Variants in SLC37A2 observed in about 807,000 individuals in gnomAD.
The protein encoded by SLC37A2 is glucose-6-phosphate exchanger SLC37A2.
A neutral mutation model predicts 70.7 loss-of-function variants in SLC37A2; 59 were observed. The observed-to-expected ratio is 0.83, with a 90% CI of 0.68 to 1.04. SLC37A2 has a LOEUF of 1.04. Ranked by LOEUF, SLC37A2 falls within the 50% of genes least tolerant of loss-of-function variation. The pLI, the probability that SLC37A2 is intolerant of heterozygous loss-of-function variation, is 0.00. For synonymous variants in SLC37A2, 257 were observed against 262.1 expected (o/e 0.98, Z 0.19); for missense variants, 580 against 658.1 (o/e 0.88, Z 1.30).
chr11:125,083,887 T>C lies in SLC37A2; in HGVS notation c.1039+10T>C, dbSNP rs375511025. 1.2e-6 allele frequency: 2 copies of C among 1,613,022 alleles called. No individual in the cohort carries two copies. The highest frequency in any genetic ancestry group is 2.7e-5 in the African/African-American group (2 of 74,904). On this transcript the variant is annotated intron_variant, in intron 11 of 17. Transcript: ENST00000403796. This position sits in a 1 kb window ranked among gnomAD's most constrained non-coding sequence, Gnocchi z 4.6. ...GTTGGTGGCATCATAGGTGAGGCCT[T>C]GCCCTGCTCTGCCAGCAGGCTCCCT...
In SLC37A2 at chr11:125,063,582, C is replaced by T. The variant is rs1222011046; in HGVS notation, c.59+156C>T. ...TTGGTCCCGAGCTCCTCCAGCGGCG[C>T]CCGCCTCGGAGGTTGATAACCCTCC... On this transcript the variant is annotated intron_variant, in intron 1 of 17. Coordinates refer to ENST00000403796, the MANE Select transcript of SLC37A2 (RefSeq NM_001145290.2). The surrounding 1 kb of genome is among the most constrained non-coding windows in gnomAD (Gnocchi z 5.4). Among the ~76,000 whole-genome samples, 2 of 152,154 alleles carry T rather than the reference C, an allele frequency of 1.3e-5. No individual in the cohort carries two copies. Among genetic ancestry groups the T allele is most frequent in the Non-Finnish European group, 2.9e-5 (2 of 68,018 alleles).
chr11:125,080,421 G>C lies in SLC37A2; in HGVS notation c.528-193G>C, dbSNP rs1007939367. On this transcript the variant is annotated intron_variant, in intron 6 of 17. Transcript: ENST00000403796. The surrounding 1 kb of genome is among the most constrained non-coding windows in gnomAD (Gnocchi z 4.3). ...GCTGGGCAGGCGGAGCGAGACCACAGGCCCTGCAGCCACCTGCTTGACACC... is the reference window on the plus strand; with the variant it reads ...GCTGGGCAGGCGGAGCGAGACCACACGCCCTGCAGCCACCTGCTTGACACC... 1.1e-4 allele frequency among the ~76,000 whole-genome samples: 17 copies of C among 152,168 alleles called. No homozygotes were observed. The highest frequency in any genetic ancestry group is 2.1e-4 in the Non-Finnish European group (14 of 68,040).
chr11:125,079,784 G>C (rs775199965), intron 6 of SLC37A2, 24 bp downstream of exon 6: 2 of 1,580,126 alleles, frequency 1.3e-6, no homozygotes, highest in Admixed American at 3.5e-5. Flanking sequence ...GGGAGGAGGA[G>C]TGGGAAGGAT....
In SLC37A2 at chr11:125,085,942, T is replaced by G. The variant is rs1218018464; in HGVS notation, c.1426-12T>G. ...AGTGCCCTCCCTTCCCTCTGTGCCT[T>G]GTGCTCCACAGCTCCTTTGCCGGTT... On this transcript the variant is annotated splice_polypyrimidine_tract_variant and intron_variant, in intron 16 of 17. Coordinates refer to ENST00000403796, the MANE Select transcript of SLC37A2 (RefSeq NM_001145290.2). 4.3e-6 allele frequency: 7 copies of G among 1,613,660 alleles called. No individual in the cohort carries two copies. The highest frequency in any genetic ancestry group is 5.9e-6 in the Non-Finnish European group (7 of 1,179,562).
intron 1 of SLC37A2, among the ~76,000 whole-genome samples, chr11:125,066,920 G>A (rs998434685): frequency 6.6e-6 from 1 of 151,406 alleles, no homozygotes; most frequent in Non-Finnish European, 1.5e-5. Flanking sequence ...TGGCCTGGAA[G>A]ATGCTACATT....
intron 1 of SLC37A2, 150 bp from the exon 2 acceptor site, chr11:125,076,607 A>G: frequency 1.4e-6 from 1 of 692,484 alleles, no homozygotes; most frequent in African/African-American, 1.8e-5. Context: ...ATTTTTTCCC[A>G]GCCTCCCCTT....
intron 1 of SLC37A2, among the ~76,000 whole-genome samples, chr11:125,075,557 G>A (rs750035371): frequency 6.6e-5 from 10 of 152,190 alleles, no homozygotes; most frequent in African/African-American, 2.4e-4. Context: ...CACTGAAAGC[G>A]TTTTAGCAGA....
chr11:125,077,385 C>G, intron 3 of SLC37A2, 62 bp downstream of exon 3: 1 of 1,592,558 alleles, frequency 6.3e-7, no homozygotes, highest in Non-Finnish European at 8.6e-7. Flanking sequence ...AAGGGGCTGT[C>G]CAGGGAGGGC....
intron 14 of SLC37A2, 23 bp from the exon 15 acceptor site, chr11:125,085,372 C>G (rs371895358): frequency 8.7e-6 from 14 of 1,609,954 alleles, no homozygotes; most frequent in Admixed American, 1.7e-5. Flanking sequence ...GCTGGGCTTC[C>G]CCACTCCACT....
At position 125,083,931 on chromosome 11, in the gene SLC37A2, G is replaced by C. The variant is rs752122857; in HGVS notation, c.1039+54G>C. 1.0e-5 allele frequency: 16 copies of C among 1,569,094 alleles called. No individual in the cohort carries two copies. Among genetic ancestry groups the C allele is most frequent in the Non-Finnish European group, 1.4e-5 (16 of 1,139,690 alleles). On this transcript the variant is annotated intron_variant, in intron 11 of 17. Transcript: ENST00000403796. The surrounding 1 kb of genome is among the most constrained non-coding windows in gnomAD (Gnocchi z 4.6). ...GCTCCCTTCCCCTCTTTTCTTGTGG[G>C]GTGCAGGAAGAAGGGACAGGTCCGA... is the stretch of plus-strand genomic sequence containing the variant.
rs201531255 is a variant in SLC37A2, at chr11:125,080,710, C to T, written c.624C>T (p.Gly208=). Residue 208 remains glycine (G), a synonymous_variant, in exon 7 of 18, where the codon GGC becomes GGT. Coordinates refer to ENST00000403796, the MANE Select transcript of SLC37A2 (RefSeq NM_001145290.2). The surrounding 1 kb of genome is among the most constrained non-coding windows in gnomAD (Gnocchi z 4.3). ...IAGIWVNGQW[G]LSFIVPGIIT... is the part of the protein sequence containing the mutation. ...GCATCTGGGTGAACGGGCAGTGGGG[C>T]CTGTCGTTCATCGTGCCTGGCATCA... 5.7e-6 allele frequency: 9 copies of T among 1,576,542 alleles called. 1 individual carries two copies. In the Admixed American group the frequency reaches 1.4e-4, roughly 25 times the overall value.
chr11:125,078,179 G>A (rs549967848), intron 4 of SLC37A2, among the ~76,000 whole-genome samples: 75 of 152,356 alleles, frequency 4.9e-4, no homozygotes, highest in African/African-American at 1.7e-3. Context: ...CGAGCAAGTA[G>A]GGCAAATGTG....
At position 125,083,508 on chromosome 11, in the gene SLC37A2, G is replaced by C; in HGVS notation, c.977-307G>C. On this transcript the variant is annotated intron_variant, in intron 10 of 17. Transcript: ENST00000403796. This position sits in a 1 kb window ranked among gnomAD's most constrained non-coding sequence, Gnocchi z 4.6. ...GCTGAGCTTCAGGTTGCGCTCCAGG[G>C]GAAAGGTGGCCACGGGACAGCAGGC... 3.0e-6 allele frequency: 1 copy of C among 330,970 alleles called. No individual in the cohort carries two copies. The highest frequency in any genetic ancestry group is 4.3e-5 in the Admixed American group (1 of 23,408). 20.5% of individuals were successfully genotyped at this position (330,970 alleles called of 1,614,324 possible).
rs75705739 is a variant in SLC37A2 at position 125,084,934 on chromosome 11, T to G, written c.1174+61T>G. ...GAAAGGCACTGCCTTGGGGGCCCCA[T>G]GAGGCTGGCCCACGGGGGGCACTGA... On this transcript the variant is annotated intron_variant, in intron 13 of 17. Transcript: ENST00000403796. 3.7e-3 allele frequency: 5,874 copies of G among 1,605,656 alleles called. 111 individuals carry two copies. The Admixed American group carries it at 0.043, about 12-fold the overall frequency.
At position 125,088,358 on chromosome 11, in the gene SLC37A2, G is replaced by A; in HGVS notation, c.*224G>A. On this transcript the variant is annotated 3_prime_UTR_variant, in exon 18 of 18. Coordinates refer to ENST00000403796, the MANE Select transcript of SLC37A2 (RefSeq NM_001145290.2). ...AGAAGATTCAGGGGCCTGAGCTCTG[G>A]AAGCTGCAAGCAAAAGGGATGGGAC... 1 of 578,538 alleles carries A rather than the reference G, an allele frequency of 1.7e-6. No individual in the cohort carries two copies. The allele number at this position is 578,538 out of a possible 1,614,324, so 35.8% of individuals were successfully genotyped here.
Position 125,076,821 on chromosome 11 carries a change from C to G in SLC37A2, c.124C>G (p.Pro42Ala), listed in dbSNP as rs752786146. ...CGCCTGCTATCACATGTCCAGGAAG[C>G]CTATCAGTATCGTCAAGGTGAGGCT... ...IYACYHMSRK[P>A]ISIVKSRLHQ... Residue 42 changes from proline (P) to alanine (A), a missense_variant, in exon 2 of 18, where the codon CCT becomes GCT. Coordinates refer to ENST00000403796, the MANE Select transcript of SLC37A2 (RefSeq NM_001145290.2). 1 of 1,614,164 alleles carries G rather than the reference C, an allele frequency of 6.2e-7. No individual in the cohort carries two copies. The highest frequency in any genetic ancestry group is 1.3e-5 in the African/African-American group (1 of 75,048).
At chr11:125,082,187 C>G (rs1949158129) in intron 9 of SLC37A2, 57 bp from the exon 10 acceptor site, 1 of 1,553,470 alleles carries the variant, frequency 6.4e-7, no homozygotes, top group Non-Finnish European at 8.9e-7. Flanking sequence ...CTTGGGGCCA[C>G]CACTGAACCC....
intron 1 of SLC37A2, among the ~76,000 whole-genome samples, chr11:125,071,518 G>C (rs953334563): frequency 1.3e-5 from 2 of 152,212 alleles, no homozygotes; most frequent in Non-Finnish European, 1.5e-5. Context: ...AAGACAGACT[G>C]TCATCTGAGC....
At position 125,085,957 on chromosome 11, in the gene SLC37A2, C is replaced by A; in HGVS notation, c.1429C>A (p.Leu477Ile). The A allele has an allele frequency of 6.2e-7, 1 of 1,614,164 alleles. No individual in the cohort carries two copies. Residue 477 changes from leucine (L) to isoleucine (I), a missense_variant, in exon 17 of 18, where the codon CTT becomes ATT. By Grantham distance (5) the Leu-to-Ile change is conservative. Coordinates refer to ENST00000403796, the MANE Select transcript of SLC37A2 (RefSeq NM_001145290.2). The part of the protein sequence containing the change: ...ISADVLACLL[L>I]CRLVYKEILA... ...CTCTGTGCCTTGTGCTCCACAGCTCCTTTGCCGGTTAGTATACAAAGAGAT... is the reference window on the plus strand; with the variant it reads ...CTCTGTGCCTTGTGCTCCACAGCTCATTTGCCGGTTAGTATACAAAGAGAT...
Sources: gnomAD v4.1 joint callset for allele counts (sites outside exome capture counted in the v4.1 genomes callset) on GRCh38, gnomAD v4.1.1 for gene constraint, Gnocchi (gnomAD v3.1) non-coding constraint, MANE v1.5 for transcripts, NCBI Gene and HGNC (gene_info 2026-07-23, HGNC 2026-07-21) for gene names.